Variants in CYP11A1 observed in about 807,000 individuals in gnomAD.
CYP11A1 encodes cholesterol side-chain cleavage enzyme, mitochondrial.
CYP11A1 carries 25 observed loss-of-function variants against 51.9 expected under a neutral mutation model. The observed-to-expected ratio is 0.48, with a 90% CI of 0.35 to 0.67. CYP11A1 has a LOEUF of 0.67. CYP11A1 is among the 30% of genes least tolerant of loss of function. CYP11A1 has a pLI of 0.00. For missense variants in CYP11A1, 578 were observed against 680.9 expected, an observed-to-expected ratio of 0.85 and a Z score of 1.68; for synonymous variants, 245 against 262.1, an observed-to-expected ratio of 0.93 and a Z score of 0.63.
At chr15:74,365,509 TG>T in intron 1 of CYP11A1, 1 of 228,926 alleles carries the variant, frequency 4.4e-6, no homozygotes, top group East Asian at 1.8e-4. Flanking sequence ...TTGCAAGGTG[TG>T]CGGAGGGTAA....
intron 1 of CYP11A1, chr15:74,365,852 T>A: frequency 2.0e-6 from 2 of 985,722 alleles, no homozygotes; most frequent in Non-Finnish European, 2.4e-6. Context: ...ACCGGGTCGC[T>A]CCCTGCTTCG....
intron 8 of CYP11A1, 135 bp downstream of exon 8, chr15:74,338,436 A>T (rs2060589662): frequency 1.1e-6 from 1 of 926,560 alleles, no homozygotes; most frequent in Non-Finnish European, 1.7e-6. Context: ...AGAGAGCGAG[A>T]GCAAGTAACT....
Position 74,351,434 on chromosome 15 carries a change from C to T in CYP11A1, c.270-3379G>A, listed in dbSNP as rs187297477. On this transcript the variant is annotated intron_variant, in intron 1 of 8. Transcript: ENST00000268053. Reference sequence around the variant, plus strand: ...CTTACTTTCTTATGCTAAATTCTTCCCTTATAGTGCTCAACTAGCTAAGGA... The same window carrying T: ...CTTACTTTCTTATGCTAAATTCTTCTCTTATAGTGCTCAACTAGCTAAGGA... 3.8e-3 allele frequency among the ~76,000 whole-genome samples: 571 copies of T among 152,258 alleles called. 3 individuals carry two copies. Among genetic ancestry groups the T allele is most frequent in the Middle Eastern group, 0.014 (4 of 294 alleles).
Position 74,361,448 on chromosome 15 carries a change from G to T in CYP11A1, c.269+5869C>A, listed in dbSNP as rs1428185915. 1.1e-5 allele frequency: 4 copies of T among 372,256 alleles called. No individual in the cohort carries two copies. The East Asian group carries it at 2.4e-4, about 22-fold the overall frequency. 23.1% of individuals were successfully genotyped at this position (372,256 alleles called of 1,614,324 possible). Reference sequence around the variant, plus strand: ...AAAAATTAATTACATATCAAGAAAAGACTTTCATGTTAAACCAGCTAATAC... The same window carrying T: ...AAAAATTAATTACATATCAAGAAAATACTTTCATGTTAAACCAGCTAATAC... On this transcript the variant is annotated intron_variant, in intron 1 of 8. Coordinates refer to ENST00000268053, the MANE Select transcript of CYP11A1 (RefSeq NM_000781.3).
chr15:74,354,295 CCTGGCTCTT>C (rs1407486154), intron 1 of CYP11A1, among the ~76,000 whole-genome samples: 2 of 152,174 alleles, frequency 1.3e-5, no homozygotes, highest in Non-Finnish European at 2.9e-5. Context: ...AATTCCTTCT[CCTGGCTCTT>C]CTGGCTCAAA....
At position 74,367,535 on chromosome 15, in the gene CYP11A1, C is replaced by T. The variant is rs373198415; in HGVS notation, c.51G>A (p.Gln17=). 6.2e-6 allele frequency: 10 copies of T among 1,614,086 alleles called. No individual in the cohort carries two copies. In the African/African-American group the frequency reaches 9.3e-5, roughly 15 times the overall value. ...CCTCCCTGGGGGCACTCAGAAAGGT[C>T]TGGCAGCCTTTGACCAGGACTGAGC... The part of the protein sequence containing the change: ...PPRSVLVKGC[Q]TFLSAPREGL... Residue 17 remains glutamine (Q), a synonymous_variant, in exon 1 of 9, where the codon CAG becomes CAA. Transcript: ENST00000268053.
chr15:74,345,103 G>A lies in CYP11A1; in HGVS notation c.566C>T (p.Ala189Val), dbSNP rs121912811. 3.1e-6 allele frequency: 5 copies of A among 1,614,054 alleles called. No individual in the cohort carries two copies. The highest frequency in any genetic ancestry group is 1.6e-4 in the Middle Eastern group (1 of 6,062). Residue 189 changes from alanine to valine, a missense_variant, in exon 3 of 9, where the codon GCG becomes GTG. Coordinates refer to ENST00000268053, the MANE Select transcript of CYP11A1 (RefSeq NM_000781.3). The surrounding 1 kb of genome is among the most constrained non-coding windows in gnomAD (Gnocchi z 4.3). ...VSVLHRRIKKAGSGNYSGDIS... is the reference protein window; with the variant it reads ...VSVLHRRIKKVGSGNYSGDIS... ...GTCCCCCGAGTAATTTCCGGAGCCCGCCTTCTTGATGCGCCTGTGCAGGAC... is the reference window on the plus strand; with the variant it reads ...GTCCCCCGAGTAATTTCCGGAGCCCACCTTCTTGATGCGCCTGTGCAGGAC...
Position 74,352,108 on chromosome 15 carries a change from T to A in CYP11A1, c.270-4053A>T, listed in dbSNP as rs1012592777. On this transcript the variant is annotated intron_variant, in intron 1 of 8. Transcript: ENST00000268053. ...TATAAGTAAAAGAGCACTCATAAAT[T>A]AAGTAAATAAGTCTAAGCAATTTTC... Among the ~76,000 whole-genome samples the A allele has an allele frequency of 9.2e-5, 14 of 152,280 alleles. No individual in the cohort carries two copies. In the East Asian group the frequency reaches 2.1e-3, roughly 23 times the overall value.
chr15:74,354,195 G>A (rs752468102), intron 1 of CYP11A1, among the ~76,000 whole-genome samples: 5 of 152,170 alleles, frequency 3.3e-5, no homozygotes, highest in African/African-American at 9.7e-5. Flanking sequence ...TGACCTGCAC[G>A]TATACATCCA....
chr15:74,339,601 G>T lies in CYP11A1; in HGVS notation c.1143C>A (p.Ile381=). 6.2e-7 allele frequency: 1 copy of T among 1,614,140 alleles called. No homozygotes were observed. Among genetic ancestry groups the T allele is most frequent in the Non-Finnish European group, 8.5e-7 (1 of 1,179,992 alleles). Residue 381 remains isoleucine (I), a synonymous_variant, in exon 6 of 9, where the codon ATC becomes ATA. Transcript: ENST00000268053. ...TGTGGGCTTGCCTTAGTGTCTCCTT[G>T]ATGCTGGCTTTGAGGAGGGGGACCA... The part of the protein sequence containing the change: ...LQLVPLLKAS[I]KETLRLHPIS...
In CYP11A1 at chr15:74,356,476, G is replaced by A. The variant is rs577030601; in HGVS notation, c.270-8421C>T. The A allele has an allele frequency of 2.0e-5, 3 of 152,294 alleles. No individual in the cohort carries two copies. The South Asian group carries it at 6.2e-4, about 32-fold the overall frequency. The allele number at this position is 152,294 out of a possible 1,614,324, so 9.4% of individuals were successfully genotyped here. On this transcript the variant is annotated intron_variant, in intron 1 of 8. Coordinates refer to ENST00000268053, the MANE Select transcript of CYP11A1 (RefSeq NM_000781.3). ...CTTTAGGTAACTCTTACAGTGGAGG[G>A]TAAGTCCGTCCCCTTCTTAATCAAT...
intron 5 of CYP11A1, among the ~76,000 whole-genome samples, chr15:74,340,336 A>C (rs1490500751): frequency 6.6e-6 from 1 of 152,206 alleles, no homozygotes; most frequent in Non-Finnish European, 1.5e-5. Flanking sequence ...CGTAAGCCAG[A>C]GGCTGTGACC....
chr15:74,342,959 C>T lies in CYP11A1; in HGVS notation c.990+18G>A, dbSNP rs753535016. 2 of 1,612,054 alleles carry T rather than the reference C, an allele frequency of 1.2e-6. No individual in the cohort carries two copies. The highest frequency in any genetic ancestry group is 2.2e-5 in the East Asian group (1 of 44,874). The stretch of plus-strand genomic sequence containing the variant: ...GGGCACAGGGGGCAACAAGGTGCCG[C>T]CCCTACAGCCACCTCACCGTGTCCA... On this transcript the variant is annotated intron_variant, in intron 5 of 8. Coordinates refer to ENST00000268053, the MANE Select transcript of CYP11A1 (RefSeq NM_000781.3).
intron 4 of CYP11A1, among the ~76,000 whole-genome samples, chr15:74,343,527 C>A (rs2060617807): frequency 6.6e-6 from 1 of 152,220 alleles, no homozygotes; most frequent in African/African-American, 2.4e-5. Context: ...TGGTCCTTTG[C>A]CCTCTGGGGA....
At chr15:74,357,369 T>C (rs564664955) in intron 1 of CYP11A1, among the ~76,000 whole-genome samples, 1 of 152,238 alleles carries the variant, frequency 6.6e-6, no homozygotes, top group African/African-American at 2.4e-5. Flanking sequence ...AACATAATTC[T>C]TCATGAAAAC....
intron 7 of CYP11A1, 78 bp from the exon 8 acceptor site, chr15:74,338,846 C>T (rs2060592225): frequency 1.5e-6 from 2 of 1,324,162 alleles, no homozygotes; most frequent in Non-Finnish European, 2.1e-6. Context: ...TCCCTAGTCC[C>T]CTGCCCTCTC....
At chr15:74,355,033 C>T (rs1425074119) in intron 1 of CYP11A1, among the ~76,000 whole-genome samples, 1 of 152,074 alleles carries the variant, frequency 6.6e-6, no homozygotes, top group East Asian at 1.9e-4. Context: ...CCTCCCTTCT[C>T]TCCGTGTCTC....
rs186027306 is a variant in CYP11A1 at position 74,355,681 on chromosome 15, G to A, written c.270-7626C>T. Among the ~76,000 whole-genome samples the A allele has an allele frequency of 1.1e-3, 161 of 152,162 alleles. 1 individual carries two copies. The highest frequency in any genetic ancestry group is 6.8e-3 in the Middle Eastern group (2 of 294). On this transcript the variant is annotated intron_variant, in intron 1 of 8. Transcript: ENST00000268053. ...CAAACCCAGTCCAGCTTACAGTTTC[G>A]TTCTGCAACTAGCCCTCCCCCATCT...
chr15:74,351,457 G>A (rs2060656273), intron 1 of CYP11A1, among the ~76,000 whole-genome samples: 1 of 152,114 alleles, frequency 6.6e-6, no homozygotes, highest in Admixed American at 6.5e-5. Flanking sequence ...AACTAGCTAA[G>A]GACAAAAAAA....
Sources: allele counts gnomAD v4.1 joint callset (sites outside exome capture counted in the v4.1 genomes callset), GRCh38; gene constraint gnomAD v4.1.1; non-coding constraint Gnocchi (gnomAD v3.1); transcripts MANE v1.5; gene names NCBI Gene and HGNC (gene_info 2026-07-23, HGNC 2026-07-21).